USP6NL: variants seen among roughly 807,000 people sequenced by gnomAD.
The protein encoded by USP6NL is USP6 N-terminal-like protein.
In USP6NL, 26 loss-of-function variants were observed where a neutral mutation model predicts 61.9. The observed-to-expected ratio is 0.42, with a 90% CI of 0.31 to 0.58. The LOEUF (loss-of-function observed/expected upper bound fraction) is 0.58, where lower values mean the gene tolerates loss of function less well. Among genes scored for constraint, USP6NL ranks in the 20% least tolerant of loss-of-function variants. The probability of loss-of-function intolerance (pLI) is 0.16; values close to 1 mark genes in which losing one functional copy is unlikely to be tolerated. For synonymous variants in USP6NL, 432 were observed against 390.1 expected, an observed-to-expected ratio of 1.11 and a Z score of -1.27; for missense variants, 1,114 against 1,034.3, an observed-to-expected ratio of 1.08 and a Z score of -1.06.
chr10:11,551,493 G>T (rs1411611483), intron 2 of USP6NL, among the ~76,000 whole-genome samples: 1 of 152,180 alleles, frequency 6.6e-6, no homozygotes, highest in Non-Finnish European at 1.5e-5. Flanking sequence ...CTAATTGGTG[G>T]CTCAATAAAG....
intron 7 of USP6NL, among the ~76,000 whole-genome samples, chr10:11,500,099 T>C (rs1426859932): frequency 4.6e-5 from 7 of 152,102 alleles, no homozygotes. Context: ...TTCTCACTTA[T>C]AAGTGGGAGC....
chr10:11,534,036 C>T (rs2133428805), intron 2 of USP6NL, among the ~76,000 whole-genome samples: 1 of 152,088 alleles, frequency 6.6e-6, no homozygotes, highest in Admixed American at 6.6e-5. Flanking sequence ...GCAAGAATCC[C>T]CCCACTCTCC....
In USP6NL at chr10:11,561,283, G is replaced by T. The variant is rs746938141; in HGVS notation, c.5-33716C>A. On this transcript the variant is annotated intron_variant, in intron 2 of 14. Transcript: ENST00000609104. The surrounding 1 kb of genome is among the most constrained non-coding windows in gnomAD (Gnocchi z 4.1). ...AATACAGAAATGCATTAAGAAAAGTGAACTCTCTTCCTCTACACCCCTTCC... is the reference window on the plus strand; with the variant it reads ...AATACAGAAATGCATTAAGAAAAGTTAACTCTCTTCCTCTACACCCCTTCC... 6.6e-6 allele frequency among the ~76,000 whole-genome samples: 1 copy of T among 152,064 alleles called. No individual in the cohort carries two copies. The highest frequency in any genetic ancestry group is 6.5e-5 in the Admixed American group (1 of 15,270).
intron 1 of USP6NL, among the ~76,000 whole-genome samples, chr10:11,605,022 T>C (rs1838660348): frequency 6.6e-6 from 1 of 152,148 alleles, no homozygotes; most frequent in Non-Finnish European, 1.5e-5. Context: ...ATTCAGAGTA[T>C]ACAGTTAAGA....
rs186153302 is a variant in USP6NL, at chr10:11,478,338, G to A, written c.1078+3432C>T. Among the ~76,000 whole-genome samples, 15 of 150,726 alleles carry A rather than the reference G, an allele frequency of 1.0e-4. No individual in the cohort carries two copies. Among genetic ancestry groups the A allele is most frequent in the African/African-American group, 2.2e-4 (9 of 41,200 alleles). ...CCAGTGACCACCTGCTGACAGCCAC[G>A]TTTCATATGGTACACGAGTGGGGGA... On this transcript the variant is annotated intron_variant, in intron 14 of 14. Coordinates refer to ENST00000609104, the MANE Select transcript of USP6NL (RefSeq NM_014688.5). This position sits in a 1 kb window ranked among gnomAD's most constrained non-coding sequence, Gnocchi z 6.8.
At chr10:11,569,124 T>C (rs997383480) in intron 2 of USP6NL, among the ~76,000 whole-genome samples, 4 of 152,222 alleles carry the variant, frequency 2.6e-5, no homozygotes, top group African/African-American at 9.6e-5. Flanking sequence ...TAAAGTAAAT[T>C]AGATGCTATA....
At chr10:11,570,497 G>A (rs1310544739) in intron 2 of USP6NL, among the ~76,000 whole-genome samples, 1 of 152,124 alleles carries the variant, frequency 6.6e-6, no homozygotes, top group Non-Finnish European at 1.5e-5. Flanking sequence ...TCTTACTTTA[G>A]TACTAATTTT....
intron 2 of USP6NL, among the ~76,000 whole-genome samples, chr10:11,555,433 A>AAAT (rs1275798295): frequency 4.1e-5 from 2 of 49,028 alleles, no homozygotes; most frequent in African/African-American, 1.9e-4. Flanking sequence ...AAAAAAAAAA[A>AAAT]ATATATATAT....
At chr10:11,508,586 A>G (rs1357817927) in intron 6 of USP6NL, among the ~76,000 whole-genome samples, 1 of 152,218 alleles carries the variant, frequency 6.6e-6, no homozygotes, top group Non-Finnish European at 1.5e-5. Flanking sequence ...TCTGTGTTTT[A>G]AAAAGTCAGT....
intron 4 of USP6NL, among the ~76,000 whole-genome samples, chr10:11,524,930 G>A (rs1381485781): frequency 6.6e-6 from 1 of 152,090 alleles, no homozygotes; most frequent in Non-Finnish European, 1.5e-5. Context: ...CAGGATGAAT[G>A]GAATTAATTT....
At chr10:11,601,593 G>A (rs1474706250) in intron 1 of USP6NL, among the ~76,000 whole-genome samples, 1 of 152,142 alleles carries the variant, frequency 6.6e-6, no homozygotes, top group Non-Finnish European at 1.5e-5. Context: ...ATGAAATGCA[G>A]AAAGGAAATT....
chr10:11,481,629 T>G lies in USP6NL; in HGVS notation c.1078+141A>C. 2 of 849,238 alleles carry G rather than the reference T, an allele frequency of 2.4e-6. No homozygotes were observed. Among genetic ancestry groups the G allele is most frequent in the Non-Finnish European group, 3.3e-6 (2 of 614,966 alleles). The allele number at this position is 849,238 out of a possible 1,614,324, so 52.6% of individuals were successfully genotyped here. A position where few individuals can be genotyped will look rare whatever the true frequency, so the allele number is the denominator to read the frequency against. ...AAAATAAGGAAAAAGCCAAAGCAGC[T>G]GAGCTGGTAAGGCATTCATCCACAT... is the stretch of plus-strand genomic sequence containing the variant. On this transcript the variant is annotated intron_variant, in intron 14 of 14. Coordinates refer to ENST00000609104, the MANE Select transcript of USP6NL (RefSeq NM_014688.5). The surrounding 1 kb of genome is among the most constrained non-coding windows in gnomAD (Gnocchi z 4.4).
rs892578096 is a variant in USP6NL, at chr10:11,481,214, A to G, written c.1078+556T>C. On this transcript the variant is annotated intron_variant, in intron 14 of 14. Coordinates refer to ENST00000609104, the MANE Select transcript of USP6NL (RefSeq NM_014688.5). This position sits in a 1 kb window ranked among gnomAD's most constrained non-coding sequence, Gnocchi z 4.4. ...AGTAGGTGCTGAAAAATGTCTTACA[A>G]TAAGTGAATAAAATATATTATCTAT... Among the ~76,000 whole-genome samples, 3 of 152,218 alleles carry G rather than the reference A, an allele frequency of 2.0e-5. No homozygotes were observed. Among genetic ancestry groups the G allele is most frequent in the Non-Finnish European group, 2.9e-5 (2 of 68,040 alleles).
At chr10:11,483,266 T>C (rs1042155028) in intron 13 of USP6NL, among the ~76,000 whole-genome samples, 1 of 152,044 alleles carries the variant, frequency 6.6e-6, no homozygotes, top group Non-Finnish European at 1.5e-5. Flanking sequence ...TGTAAAGCAG[T>C]TGCTATGCTT....
rs755922554 is a variant in USP6NL at position 11,511,800 on chromosome 10, A to T, written c.196-2125T>A. Among the ~76,000 whole-genome samples the T allele has an allele frequency of 1.3e-5, 2 of 150,258 alleles. No homozygotes were observed. The highest frequency in any genetic ancestry group is 1.5e-5 in the Non-Finnish European group (1 of 67,790). On this transcript the variant is annotated intron_variant, in intron 5 of 14. Transcript: ENST00000609104. This position sits in a 1 kb window ranked among gnomAD's most constrained non-coding sequence, Gnocchi z 4.9. ...CATTAAGTATGCTTTTCCCTACAGC[A>T]AAAAATAAAATAAAATAATATATAT...
chr10:11,493,499 G>A (rs1263222470), intron 7 of USP6NL, among the ~76,000 whole-genome samples: 1 of 152,010 alleles, frequency 6.6e-6, no homozygotes, highest in Non-Finnish European at 1.5e-5. Flanking sequence ...TTAGGATAGA[G>A]AACTTTTCAG....
chr10:11,508,648 A>G (rs1482497782), intron 6 of USP6NL, among the ~76,000 whole-genome samples: 1 of 152,250 alleles, frequency 6.6e-6, no homozygotes, highest in Admixed American at 6.5e-5. Context: ...ACTTGATTAA[A>G]TATCAACCCT....
Position 11,528,582 on chromosome 10 carries a change from TA to T in USP6NL, c.5-1016del. ...AACTTGTCCACAGGCATAAAGCTAA[TA>T]AACAGCAAAGACAGTTTTCAAATCC... On this transcript the variant is annotated intron_variant, in intron 2 of 14. Transcript: ENST00000609104. The surrounding 1 kb of genome is among the most constrained non-coding windows in gnomAD (Gnocchi z 4.6). Among the ~76,000 whole-genome samples, 1 of 152,296 alleles carries T rather than the reference TA, an allele frequency of 6.6e-6. No homozygotes were observed. Among genetic ancestry groups the T allele is most frequent in the East Asian group, 1.9e-4 (1 of 5,190 alleles).
chr10:11,516,640 T>C (rs1458898739), intron 5 of USP6NL, among the ~76,000 whole-genome samples: 1 of 152,104 alleles, frequency 6.6e-6, no homozygotes, highest in African/African-American at 2.4e-5. Context: ...AAAAAGGCCT[T>C]AGGGAAACCC....
Sources: allele counts gnomAD v4.1 joint callset (sites outside exome capture counted in the v4.1 genomes callset), GRCh38; gene constraint gnomAD v4.1.1; non-coding constraint Gnocchi (gnomAD v3.1); transcripts MANE v1.5; gene names NCBI Gene and HGNC (gene_info 2026-07-23, HGNC 2026-07-21).